Variants in PHKA1 observed in about 807,000 individuals in gnomAD.
The protein encoded by PHKA1 is phosphorylase kinase regulatory subunit alpha 1, also known as phosphorylase b kinase regulatory subunit alpha, skeletal muscle isoform.
Under a neutral mutation model 110.2 loss-of-function variants are expected in PHKA1, and 60 were observed. The observed-to-expected ratio is 0.54, with a 90% CI of 0.44 to 0.68. The LOEUF is 0.68. Among genes scored for constraint, PHKA1 ranks in the 30% least tolerant of loss-of-function variants. The pLI, the probability that PHKA1 is intolerant of heterozygous loss-of-function variation, is 0.00. For missense variants in PHKA1, 801 were observed against 942.5 expected, an observed-to-expected ratio of 0.85 and a Z score of 1.97; for synonymous variants, 316 against 333.6, an observed-to-expected ratio of 0.95 and a Z score of 0.58.
intron 9 of PHKA1, among the ~76,000 whole-genome samples, chrX:72,656,866 G>A (rs1332744597): frequency 8.9e-6 from 1 of 111,835 alleles, no homozygotes; most frequent in Non-Finnish European, 1.9e-5. Flanking sequence ...AGCTTATGAT[G>A]ATGTTTCAGA....
At chrX:72,656,856 A>G (rs1015817862) in intron 9 of PHKA1, among the ~76,000 whole-genome samples, 3 of 111,980 alleles carry the variant, frequency 2.7e-5, no homozygotes, top group Non-Finnish European at 5.6e-5. Flanking sequence ...GTCATTTAAG[A>G]GCTTATGATG....
intron 30 of PHKA1, among the ~76,000 whole-genome samples, chrX:72,583,609 T>C (rs2052369767): frequency 8.9e-6 from 1 of 112,347 alleles, no homozygotes; most frequent in Non-Finnish European, 1.9e-5. Context: ...ATCTTACTAC[T>C]TCAATCATGC....
intron 6 of PHKA1, 136 bp downstream of exon 6, chrX:72,675,934 G>A (rs1018740185): frequency 7.8e-6 from 4 of 511,080 alleles, no homozygotes; most frequent in African/African-American, 7.0e-5. Context: ...TTCTACAGGA[G>A]AATCTGAATG....
At chrX:72,670,039 C>T (rs1556308255) in intron 6 of PHKA1, among the ~76,000 whole-genome samples, 1 of 111,274 alleles carries the variant, frequency 9.0e-6, no homozygotes, top group Non-Finnish European at 1.9e-5. Flanking sequence ...CTCTCCAGCT[C>T]CTGTTGTTTC....
At chrX:72,590,236 A>G (rs1370223198) in intron 29 of PHKA1, among the ~76,000 whole-genome samples, 2 of 111,595 alleles carry the variant, frequency 1.8e-5, no homozygotes, top group African/African-American at 3.3e-5. Flanking sequence ...GATATAGACC[A>G]ATGGGACAGA....
At chrX:72,636,133 T>C in intron 15 of PHKA1, 144 bp downstream of exon 15, 1 of 488,726 alleles carries the variant, frequency 2.0e-6, no homozygotes, top group Non-Finnish European at 3.7e-6. Flanking sequence ...AGTTCAACTC[T>C]ATAAATATTA....
In PHKA1 at chrX:72,593,531, C is replaced by T. The variant is rs781806368; in HGVS notation, c.3073-257G>A. On this transcript the variant is annotated intron_variant, in intron 28 of 31. Transcript: ENST00000373542. ...TAACTTTTTGTATTTTTAGTAGAGA[C>T]GGGGTTTCACCATGTTAGCCAGGAT... The T allele has an allele frequency of 1.6e-3, 480 of 293,759 alleles. 1 individual carries two copies. Among genetic ancestry groups the T allele is most frequent in the African/African-American group, 0.012 (426 of 36,420 alleles). 24.2% of individuals were successfully genotyped at this position (293,759 alleles called of 1,213,427 possible). A position where few individuals can be genotyped will look rare whatever the true frequency, so the allele number is the denominator to read the frequency against.
chrX:72,712,025 A>C (rs1182924275), intron 2 of PHKA1: 1 of 111,716 alleles, frequency 9.0e-6, no homozygotes, highest in Non-Finnish European at 1.9e-5. Context: ...GTATAGAGAG[A>C]ATTTTTCCCA....
intron 5 of PHKA1, among the ~76,000 whole-genome samples, chrX:72,679,423 A>G (rs1466890813): frequency 9.1e-6 from 1 of 109,957 alleles, no homozygotes; most frequent in Non-Finnish European, 1.9e-5. Flanking sequence ...CATCCAGTAA[A>G]AAATTACTAG....
chrX:72,699,703 T>C (rs2147833123), intron 3 of PHKA1, among the ~76,000 whole-genome samples: 1 of 110,469 alleles, frequency 9.1e-6, no homozygotes, highest in East Asian at 2.8e-4. Flanking sequence ...GTTAGAGGGC[T>C]TTAACTCCTG....
At chrX:72,587,308 G>A in intron 29 of PHKA1, among the ~76,000 whole-genome samples, 1 of 111,370 alleles carries the variant, frequency 9.0e-6, no homozygotes, top group Non-Finnish European at 1.9e-5. Flanking sequence ...AAATTTCAAC[G>A]CAGAATTTCA....
At chrX:72,590,447 T>C (rs971177566) in intron 29 of PHKA1, among the ~76,000 whole-genome samples, 1 of 112,299 alleles carries the variant, frequency 8.9e-6, no homozygotes, top group Middle Eastern at 4.6e-3. Context: ...AAGACTTAAA[T>C]GTTAGACCTA....
chrX:72,619,484 A>G (rs1556274520), intron 19 of PHKA1, among the ~76,000 whole-genome samples, 179 bp from the exon 20 acceptor site: 1 of 112,194 alleles, frequency 8.9e-6, no homozygotes, highest in African/African-American at 3.2e-5. Flanking sequence ...AATTTAAATA[A>G]TGTGCAATTA....
chrX:72,652,961 C>A (rs782588766), intron 11 of PHKA1, among the ~76,000 whole-genome samples: 1 of 111,273 alleles, frequency 9.0e-6, no homozygotes, highest in East Asian at 2.8e-4. Context: ...TCATTCTCAC[C>A]GGAATGGAAG....
chrX:72,633,189 C>T (rs782360796), intron 16 of PHKA1, among the ~76,000 whole-genome samples: 5 of 111,698 alleles, frequency 4.5e-5, no homozygotes, highest in South Asian at 3.8e-4. Flanking sequence ...CCCCCAAATT[C>T]GTTTGTTGAA....
chrX:72,652,704 C>G (rs1180247720), intron 11 of PHKA1, 53 bp from the exon 12 acceptor site: 4 of 731,606 alleles, frequency 5.5e-6, no homozygotes, highest in Non-Finnish European at 8.6e-6. Flanking sequence ...GTTTAAGATA[C>G]TGGATAATAA....
At chrX:72,591,422 G>A (rs1432890206) in intron 29 of PHKA1, among the ~76,000 whole-genome samples, 2 of 110,785 alleles carry the variant, frequency 1.8e-5, no homozygotes, top group African/African-American at 6.6e-5. Context: ...GGGGTGGGGG[G>A]CGAGGGGAGG....
chrX:72,592,902 AT>A (rs1556227575), intron 29 of PHKA1, among the ~76,000 whole-genome samples: 1 of 112,814 alleles, frequency 8.9e-6, no homozygotes. Flanking sequence ...TATGGCAACA[AT>A]AATAGAAAGA....
At chrX:72,657,748 G>A (rs927189958) in intron 8 of PHKA1, 107 bp from the exon 9 acceptor site, 10 of 611,520 alleles carry the variant, frequency 1.6e-5, no homozygotes, top group Non-Finnish European at 5.3e-6. Context: ...ACCTATCACC[G>A]ATAAAGGCAT....
Sources: gnomAD v4.1 joint callset for allele counts (sites outside exome capture counted in the v4.1 genomes callset) on GRCh38, gnomAD v4.1.1 for gene constraint, MANE v1.5 for transcripts, NCBI Gene and HGNC (gene_info 2026-07-23, HGNC 2026-07-21) for gene names.